Variants in NFIC observed in about 807,000 individuals in gnomAD.
NFIC encodes nuclear factor I C.
In NFIC, 12 loss-of-function variants were observed where a neutral mutation model predicts 54.4. The observed-to-expected ratio is 0.22, with a 90% CI of 0.14 to 0.36. The LOEUF (loss-of-function observed/expected upper bound fraction) is 0.36, where lower values mean the gene tolerates loss of function less well. Among genes scored for constraint, NFIC ranks in the 10% least tolerant of loss-of-function variants. NFIC has a pLI of 1.00. For synonymous variants in NFIC, 322 were observed against 319.2 expected (o/e 1.01, Z -0.09); for missense variants, 575 against 718.2 (o/e 0.80, Z 2.28).
At chr19:3,392,452 G>T (rs1254030331) in intron 2 of NFIC, among the ~76,000 whole-genome samples, 1 of 152,220 alleles carries the variant, frequency 6.6e-6, no homozygotes, top group East Asian at 1.9e-4. Context: ...TGAGGAGTAG[G>T]TCCTCCCACC....
chr19:3,439,984 G>A lies in NFIC; in HGVS notation c.958+4777G>A, dbSNP rs543783336. Among the ~76,000 whole-genome samples, 18 of 152,208 alleles carry A rather than the reference G, an allele frequency of 1.2e-4. No individual in the cohort carries two copies. In the East Asian group the frequency reaches 2.3e-3, roughly 20 times the overall value. ...ATTACAGGCGTGAGCCACCGCGCCC[G>A]GCCAAACACTGGAAGAATTTTAACA... On this transcript the variant is annotated intron_variant, in intron 6 of 10. Transcript: ENST00000443272.
At chr19:3,434,163 A>G in intron 4 of NFIC, 114 bp from the exon 5 acceptor site, 1 of 1,449,356 alleles carries the variant, frequency 6.9e-7, no homozygotes, top group African/African-American at 1.4e-5. Context: ...CCGGGCCAAT[A>G]TGGGAAGGGG....
rs1202413931 is a variant in NFIC at position 3,453,310 on chromosome 19, C to T, written c.1270-453C>T. On this transcript the variant is annotated intron_variant, in intron 8 of 10. Transcript: ENST00000443272. The surrounding 1 kb of genome is among the most constrained non-coding windows in gnomAD (Gnocchi z 6.7). ...TACAAAAAAACCACCAAACTCAGTTCGAGCAAGACAGCGTTTGCCAGACTC... is the reference window on the plus strand; with the variant it reads ...TACAAAAAAACCACCAAACTCAGTTTGAGCAAGACAGCGTTTGCCAGACTC... Among the ~76,000 whole-genome samples, 8 of 152,252 alleles carry T rather than the reference C, an allele frequency of 5.3e-5. No individual in the cohort carries two copies. The highest frequency in any genetic ancestry group is 1.3e-4 in the Admixed American group (2 of 15,288).
chr19:3,430,822 C>T (rs1014574091), intron 3 of NFIC, among the ~76,000 whole-genome samples: 2 of 150,990 alleles, frequency 1.3e-5, no homozygotes, highest in African/African-American at 4.9e-5. Context: ...ATCCCAGCTA[C>T]TTGGGAGGCT....
rs1166767305 is a variant in NFIC at position 3,452,042 on chromosome 19, A to C, written c.1085-440A>C. 1.4e-5 allele frequency among the ~76,000 whole-genome samples: 2 copies of C among 139,004 alleles called. No homozygotes were observed. Among genetic ancestry groups the C allele is most frequent in the Non-Finnish European group, 3.0e-5 (2 of 65,966 alleles). 91.2% of individuals were successfully genotyped at this position (139,004 alleles called of 152,430 possible). On this transcript the variant is annotated intron_variant, in intron 7 of 10. Transcript: ENST00000443272. The surrounding 1 kb of genome is among the most constrained non-coding windows in gnomAD (Gnocchi z 5.3). ...TGAGGCAGAATTGCTTGAACCCAGG[A>C]GGTGGAGGTTGCAGTGAGCTGAGGT...
chr19:3,438,738 C>T (rs1051739330), intron 6 of NFIC, among the ~76,000 whole-genome samples: 5 of 152,126 alleles, frequency 3.3e-5, no homozygotes, highest in African/African-American at 1.2e-4. Context: ...CACCCGGCCT[C>T]CTCCTGAGGG....
intron 2 of NFIC, among the ~76,000 whole-genome samples, chr19:3,424,812 C>T (rs531907914): frequency 6.6e-6 from 1 of 152,348 alleles, no homozygotes; most frequent in South Asian, 2.1e-4. Context: ...TTCTTACCCA[C>T]GACTGAGCCG....
intron 10 of NFIC, 148 bp downstream of exon 10, chr19:3,456,783 G>A (rs916568196): frequency 1.3e-6 from 1 of 774,520 alleles, no homozygotes; most frequent in South Asian, 1.6e-5. Flanking sequence ...TGGGCCTCGA[G>A]CCCCCACCTG....
chr19:3,388,615 G>A (rs936642259), intron 2 of NFIC, among the ~76,000 whole-genome samples: 32 of 152,088 alleles, frequency 2.1e-4, no homozygotes, highest in African/African-American at 7.2e-4. Context: ...TTGAGGCCAG[G>A]AGTTCGAGAC....
intron 6 of NFIC, among the ~76,000 whole-genome samples, chr19:3,442,183 C>T (rs543886979): frequency 6.6e-5 from 10 of 152,320 alleles, no homozygotes; most frequent in African/African-American, 1.9e-4. Context: ...CGCCTCCACC[C>T]GAGGCCTCCC....
chr19:3,463,028 A>C lies in NFIC; in HGVS notation c.*259A>C, dbSNP rs1376535048. On this transcript the variant is annotated 3_prime_UTR_variant, in exon 11 of 11. Coordinates refer to ENST00000443272, the MANE Select transcript of NFIC (RefSeq NM_001245002.2). ...AAAAGGTAAAGACGCAACGTTTCCA[A>C]CTCTCGGGACGCCAAGGCCGCAGGA... 2.2e-6 allele frequency: 3 copies of C among 1,343,154 alleles called. No homozygotes were observed. Among genetic ancestry groups the C allele is most frequent in the Admixed American group, 3.6e-5 (1 of 27,424 alleles). The allele number at this position is 1,343,154 out of a possible 1,614,324, so 83.2% of individuals were successfully genotyped here.
In NFIC at chr19:3,463,927, C is replaced by G; in HGVS notation, c.*1158C>G. Reference sequence around the variant, plus strand: ...CTCCCCCTCCCCTCCAGCCTCTCCACCAGCCCCTCCAGTCAACCCTCATCG... The same window carrying G: ...CTCCCCCTCCCCTCCAGCCTCTCCAGCAGCCCCTCCAGTCAACCCTCATCG... On this transcript the variant is annotated 3_prime_UTR_variant, in exon 11 of 11. Coordinates refer to ENST00000443272, the MANE Select transcript of NFIC (RefSeq NM_001245002.2). The G allele has an allele frequency of 2.0e-6, 2 of 983,286 alleles. No individual in the cohort carries two copies. Among genetic ancestry groups the G allele is most frequent in the Non-Finnish European group, 2.4e-6 (2 of 828,272 alleles). The allele number at this position is 983,286 out of a possible 1,614,324, so 60.9% of individuals were successfully genotyped here.
In NFIC at chr19:3,452,392, G is replaced by A; in HGVS notation, c.1085-90G>A. ...TACTAAACGCACTGAGATGCCGGCA[G>A]GAATGACACCCACAGACACACAGTC... On this transcript the variant is annotated intron_variant, in intron 7 of 10. Coordinates refer to ENST00000443272, the MANE Select transcript of NFIC (RefSeq NM_001245002.2). The surrounding 1 kb of genome is among the most constrained non-coding windows in gnomAD (Gnocchi z 5.3). 2 of 1,508,346 alleles carry A rather than the reference G, an allele frequency of 1.3e-6. No homozygotes were observed. Among genetic ancestry groups the A allele is most frequent in the Middle Eastern group, 1.9e-4 (1 of 5,190 alleles). 93.4% of individuals were successfully genotyped at this position (1,508,346 alleles called of 1,614,324 possible).
intron 2 of NFIC, among the ~76,000 whole-genome samples, chr19:3,410,250 TAGG>T (rs1273567361): frequency 2.6e-5 from 4 of 152,144 alleles, no homozygotes; most frequent in Non-Finnish European, 5.9e-5. Context: ...CCGTGTTAGC[TAGG>T]AGAACAACAA....
chr19:3,406,676 A>G (rs1362025675), intron 2 of NFIC, among the ~76,000 whole-genome samples: 3 of 152,184 alleles, frequency 2.0e-5, no homozygotes, highest in African/African-American at 4.8e-5. Context: ...AAGGGGGCAG[A>G]GGCTCAGGAA....
intron 2 of NFIC, among the ~76,000 whole-genome samples, chr19:3,384,085 C>T (rs931253377): frequency 2.0e-5 from 3 of 148,250 alleles, no homozygotes; most frequent in Admixed American, 6.8e-5. Context: ...GACAGGGTCT[C>T]GCTCTGTCAC....
In NFIC at chr19:3,468,327, G is replaced by A. The variant is rs909861352; in HGVS notation, c.*5558G>A. 7 of 151,860 alleles carry A rather than the reference G, an allele frequency of 4.6e-5. No individual in the cohort carries two copies. Among genetic ancestry groups the A allele is most frequent in the East Asian group, 1.9e-4 (1 of 5,160 alleles). 9.4% of individuals were successfully genotyped at this position (151,860 alleles called of 1,614,324 possible). ...AAGCCACCACCCCCCAGCCTTCCAC[G>A]CACATCTCCTGGCTGGAAGAGAGCC... On this transcript the variant is annotated 3_prime_UTR_variant, in exon 11 of 11. Coordinates refer to ENST00000443272, the MANE Select transcript of NFIC (RefSeq NM_001245002.2).
At chr19:3,376,765 G>T (rs2081115985) in intron 1 of NFIC, among the ~76,000 whole-genome samples, 1 of 151,980 alleles carries the variant, frequency 6.6e-6, no homozygotes, top group African/African-American at 2.4e-5. Flanking sequence ...TCTCGCTCTT[G>T]TTGCCCAGGC....
At chr19:3,393,061 C>G (rs1381295504) in intron 2 of NFIC, among the ~76,000 whole-genome samples, 1 of 152,208 alleles carries the variant, frequency 6.6e-6, no homozygotes, top group East Asian at 1.9e-4. Context: ...CCGCCTCAGC[C>G]TCCCGAGTAG....
Sources: gnomAD v4.1 joint callset for allele counts (sites outside exome capture counted in the v4.1 genomes callset) on GRCh38, gnomAD v4.1.1 for gene constraint, Gnocchi (gnomAD v3.1) non-coding constraint, MANE v1.5 for transcripts, NCBI Gene and HGNC (gene_info 2026-07-23, HGNC 2026-07-21) for gene names.